Variants in ANKRD44 observed in about 807,000 individuals in gnomAD.
ANKRD44 encodes serine/threonine-protein phosphatase 6 regulatory ankyrin repeat subunit B.
ANKRD44 carries 35 observed loss-of-function variants against 116.0 expected under a neutral mutation model. The ratio of observed to expected loss-of-function variants is 0.30; its 90% CI spans 0.23 to 0.40. ANKRD44 has a LOEUF of 0.40. Among genes scored for constraint, ANKRD44 ranks in the 10% least tolerant of loss-of-function variants. The pLI is 1.00. For synonymous variants in ANKRD44, 435 were observed against 461.8 expected, an observed-to-expected ratio of 0.94 and a Z score of 0.74; for missense variants, 1,014 against 1,242.6, an observed-to-expected ratio of 0.82 and a Z score of 2.77.
At chr2:197,185,112 C>T (rs958580533) in intron 2 of ANKRD44, among the ~76,000 whole-genome samples, 2 of 152,226 alleles carry the variant, frequency 1.3e-5, no homozygotes, top group Non-Finnish European at 2.9e-5. Flanking sequence ...GGTGGATTCC[C>T]GTGATGTCAG....
intron 1 of ANKRD44, among the ~76,000 whole-genome samples, chr2:197,261,008 T>C (rs2082589164): frequency 1.3e-5 from 2 of 151,798 alleles, no homozygotes; most frequent in Admixed American, 6.6e-5. Context: ...TTGCAAAAAT[T>C]TTCTCCCATT....
intron 1 of ANKRD44, among the ~76,000 whole-genome samples, chr2:197,220,117 C>T (rs944698936): frequency 2.0e-5 from 3 of 152,096 alleles, no homozygotes; most frequent in African/African-American, 7.2e-5. Context: ...TGAAAGTGTA[C>T]AATATTTTTA....
chr2:196,975,522 G>A (rs573554870), intron 21 of ANKRD44, among the ~76,000 whole-genome samples: 1 of 151,934 alleles, frequency 6.6e-6, no homozygotes, highest in East Asian at 1.9e-4. Flanking sequence ...GGTGGCTCAC[G>A]CCTGTGATCC....
intron 10 of ANKRD44, among the ~76,000 whole-genome samples, chr2:197,091,141 T>C (rs1282632006): frequency 6.6e-6 from 1 of 152,202 alleles, no homozygotes; most frequent in African/African-American, 2.4e-5. Flanking sequence ...AAGCCAACCG[T>C]GGACGGCAGA....
intron 1 of ANKRD44, among the ~76,000 whole-genome samples, chr2:197,229,031 A>G (rs771226880): frequency 6.6e-6 from 1 of 152,204 alleles, no homozygotes; most frequent in East Asian, 1.9e-4. Context: ...GTAAAAATCT[A>G]TCACACACAC....
chr2:197,293,776 G>T (rs865784387), intron 1 of ANKRD44, among the ~76,000 whole-genome samples: 1 of 152,108 alleles, frequency 6.6e-6, no homozygotes, highest in Admixed American at 6.6e-5. Flanking sequence ...CACACAATGG[G>T]CTCCTTCTTC....
intron 26 of ANKRD44, among the ~76,000 whole-genome samples, chr2:196,994,190 T>C (rs1318065604): frequency 2.0e-5 from 3 of 152,336 alleles, no homozygotes. Context: ...AGAATCTTTT[T>C]CTTTTTTTTT....
At chr2:197,063,045 T>C (rs1185223588) in intron 16 of ANKRD44, among the ~76,000 whole-genome samples, 1 of 152,100 alleles carries the variant, frequency 6.6e-6, no homozygotes. Context: ...GACCCCCGAG[T>C]AGCCTAACTG....
At chr2:197,288,075 C>G (rs1436811365) in intron 1 of ANKRD44, among the ~76,000 whole-genome samples, 1 of 151,174 alleles carries the variant, frequency 6.6e-6, no homozygotes, top group African/African-American at 2.4e-5. Flanking sequence ...CTGATGTACT[C>G]CCTCAAGACC....
intron 13 of ANKRD44, among the ~76,000 whole-genome samples, chr2:197,085,283 C>T (rs765552416): frequency 5.9e-5 from 9 of 152,068 alleles, no homozygotes; most frequent in Non-Finnish European, 8.8e-5. Context: ...AAGAACCTCA[C>T]GACGGGGCCC....
chr2:197,207,402 C>T (rs1189517647), intron 1 of ANKRD44, among the ~76,000 whole-genome samples: 1 of 152,204 alleles, frequency 6.6e-6, no homozygotes, highest in Non-Finnish European at 1.5e-5. Context: ...ACAGCTGTGC[C>T]TGCGGATGGC....
intron 1 of ANKRD44, among the ~76,000 whole-genome samples, chr2:197,200,309 A>T (rs2081063778): frequency 6.6e-6 from 1 of 152,186 alleles, no homozygotes; most frequent in South Asian, 2.1e-4. Context: ...GTGTCTCTGG[A>T]GGAGGCAGGA....
At chr2:197,218,061 A>C (rs1387788718) in intron 1 of ANKRD44, among the ~76,000 whole-genome samples, 2 of 152,328 alleles carry the variant, frequency 1.3e-5, no homozygotes, top group African/African-American at 4.8e-5. Context: ...CTAGAATAAA[A>C]TAAAAGAAAA....
At chr2:197,291,325 C>T (rs2083564066) in intron 1 of ANKRD44, among the ~76,000 whole-genome samples, 1 of 152,138 alleles carries the variant, frequency 6.6e-6, no homozygotes, top group African/African-American at 2.4e-5. Flanking sequence ...GCCTGGCCAA[C>T]ATGGTGAAAT....
chr2:197,100,886 C>G (rs1282476218), intron 9 of ANKRD44, among the ~76,000 whole-genome samples: 1 of 152,008 alleles, frequency 6.6e-6, no homozygotes, highest in Admixed American at 6.6e-5. Flanking sequence ...TTTTTTCTCT[C>G]CCTTTTTCGT....
At chr2:197,230,762 G>A (rs867917431) in intron 1 of ANKRD44, among the ~76,000 whole-genome samples, 1 of 152,140 alleles carries the variant, frequency 6.6e-6, no homozygotes, top group African/African-American at 2.4e-5. Flanking sequence ...TGTGCTCCAC[G>A]TAGTCATTCG....
chr2:197,147,601 C>T (rs1039953709), intron 2 of ANKRD44, among the ~76,000 whole-genome samples: 2 of 152,004 alleles, frequency 1.3e-5, no homozygotes, highest in African/African-American at 4.8e-5. Flanking sequence ...TGGACCACTG[C>T]CCATTCATGA....
chr2:197,118,635 GAGAGAA>G (rs1201540197), intron 8 of ANKRD44, among the ~76,000 whole-genome samples: 6 of 140,944 alleles, frequency 4.3e-5, no homozygotes, highest in African/African-American at 1.8e-4. Context: ...GAGAGAGAGA[GAGAGAA>G]AGAAAGAAAG....
At position 197,081,700 on chromosome 2, in the gene ANKRD44, C is replaced by A. The variant is rs376768791; in HGVS notation, c.1483G>T (p.Asp495Tyr). The A allele has an allele frequency of 8.1e-6, 13 of 1,613,756 alleles. No individual in the cohort carries two copies. Among genetic ancestry groups the A allele is most frequent in the Non-Finnish European group, 1.1e-5 (13 of 1,179,864 alleles). ...GCTCTTTCAAGTTCTTCTGAATTAT[C>A]ATGGGCATTTCCTAAGATAGTCTTA... ...RNKTILGNAHDNSEELERARE... is the reference protein window; with the variant it reads ...RNKTILGNAHYNSEELERARE... Residue 495 changes from aspartate to tyrosine, a missense_variant, in exon 15 of 28, where the codon GAT becomes TAT. Asp to Tyr is a radical substitution (Grantham distance 160, BLOSUM62 -3). Transcript: ENST00000282272.
Sources: gnomAD v4.1 joint callset for allele counts (sites outside exome capture counted in the v4.1 genomes callset) on GRCh38, gnomAD v4.1.1 for gene constraint, MANE v1.5 for transcripts, NCBI Gene and HGNC (gene_info 2026-07-23, HGNC 2026-07-21) for gene names.